Variants in ENOX1 observed in about 807,000 individuals in gnomAD.
ENOX1 encodes the protein candidate growth-related and time keeping constitutive hydroquinone (NADH) oxidase.
ENOX1 carries 42 observed loss-of-function variants against 82.5 expected under a neutral mutation model. That is an observed-to-expected ratio of 0.51 (90% confidence interval 0.40 to 0.66). The LOEUF (loss-of-function observed/expected upper bound fraction) is 0.66. ENOX1 is among the 30% of genes least tolerant of loss of function. The pLI is 0.00. For missense variants in ENOX1, 608 were observed against 811.6 expected, an observed-to-expected ratio of 0.75 and a Z score of 3.05; for synonymous variants, 271 against 282.2, an observed-to-expected ratio of 0.96 and a Z score of 0.40.
intron 8 of ENOX1, 84 bp from the exon 9 acceptor site, chr13:43,344,834 T>C (rs746919319): frequency 1.5e-4 from 188 of 1,278,328 alleles, no homozygotes; most frequent in Non-Finnish European, 1.9e-4. Flanking sequence ...AGACAGAGCA[T>C]AGTCCAACCT....
At chr13:43,260,850 A>C (rs1310441276) in intron 14 of ENOX1, among the ~76,000 whole-genome samples, 2 of 152,192 alleles carry the variant, frequency 1.3e-5, no homozygotes, top group East Asian at 3.8e-4. Context: ...GAAATCCTTA[A>C]AGAAACTGGA....
At chr13:43,503,738 G>A (rs12872154) in intron 2 of ENOX1, among the ~76,000 whole-genome samples, 29,355 of 151,504 alleles carry the variant, frequency 0.19, 3,341 homozygotes, top group East Asian at 0.31. Flanking sequence ...TGGAAGACCC[G>A]AAACCACAAA....
chr13:43,685,613 G>A (rs963344018), intron 1 of ENOX1, among the ~76,000 whole-genome samples: 1 of 152,058 alleles, frequency 6.6e-6, no homozygotes, highest in East Asian at 1.9e-4. Flanking sequence ...GGCATTATAT[G>A]GTGACAGGTT....
At chr13:43,561,287 C>A (rs1388991604) in intron 2 of ENOX1, among the ~76,000 whole-genome samples, 20 of 152,094 alleles carry the variant, frequency 1.3e-4, no homozygotes, top group Non-Finnish European at 2.9e-4. Flanking sequence ...AAAAGCACAG[C>A]CGACAAAGCT....
chr13:43,631,370 C>T (rs1371596876), intron 2 of ENOX1, among the ~76,000 whole-genome samples: 1 of 152,162 alleles, frequency 6.6e-6, no homozygotes, highest in Non-Finnish European at 1.5e-5. Flanking sequence ...ACCCCTCTGG[C>T]AAGACACTGT....
At chr13:43,578,794 G>C (rs1646529281) in intron 2 of ENOX1, among the ~76,000 whole-genome samples, 1 of 152,092 alleles carries the variant, frequency 6.6e-6, no homozygotes, top group Admixed American at 6.6e-5. Context: ...TTTGTAGAAT[G>C]AATCAATGAA....
At chr13:43,360,150 TC>T in intron 6 of ENOX1, 93 bp from the exon 7 acceptor site, 1 of 1,152,434 alleles carries the variant, frequency 8.7e-7, no homozygotes, top group Non-Finnish European at 1.3e-6. Context: ...AGTAACTTTC[TC>T]CAGACTGAGT....
chr13:43,756,363 G>A (rs80340264), intron 1 of ENOX1, among the ~76,000 whole-genome samples: 3,166 of 151,566 alleles, frequency 0.021, 123 homozygotes, highest in African/African-American at 0.073. Context: ...CTTGCAGAGG[G>A]TCAAGGCCGC....
At chr13:43,437,136 A>G (rs574247488) in intron 3 of ENOX1, among the ~76,000 whole-genome samples, 12 of 152,342 alleles carry the variant, frequency 7.9e-5, no homozygotes, top group Middle Eastern at 3.4e-3. Flanking sequence ...AAGAACAAGG[A>G]AAAATAGCAA....
intron 1 of ENOX1, among the ~76,000 whole-genome samples, chr13:43,733,112 T>C (rs1471241252): frequency 6.6e-6 from 1 of 152,042 alleles, no homozygotes; most frequent in African/African-American, 2.4e-5. Context: ...GAATATACCT[T>C]CATACCTGGA....
intron 1 of ENOX1, among the ~76,000 whole-genome samples, chr13:43,701,517 A>G (rs2153808817): frequency 1.3e-5 from 2 of 152,326 alleles, no homozygotes; most frequent in East Asian, 3.9e-4. Context: ...GTGCTTACAC[A>G]AAATATCTAT....
At chr13:43,538,125 A>G (rs4375567) in intron 2 of ENOX1, among the ~76,000 whole-genome samples, 148,684 of 152,338 alleles carry the variant, frequency 0.98, 72,673 homozygotes, top group East Asian at 1. Context: ...CTCTGAGCCT[A>G]GCCCTCCTGC....
At chr13:43,622,282 G>A (rs1413224438) in intron 2 of ENOX1, among the ~76,000 whole-genome samples, 1 of 152,142 alleles carries the variant, frequency 6.6e-6, no homozygotes, top group Non-Finnish European at 1.5e-5. Context: ...TCCATTGCTG[G>A]TGAACTGGTG....
intron 12 of ENOX1, among the ~76,000 whole-genome samples, chr13:43,293,482 T>C (rs116441607): frequency 0.011 from 1,682 of 152,120 alleles, 18 homozygotes; most frequent in African/African-American, 0.037. Context: ...TGCAGTCACC[T>C]TTACCACCAT....
At chr13:43,330,576 A>G (rs2048359376) in intron 9 of ENOX1, among the ~76,000 whole-genome samples, 1 of 152,150 alleles carries the variant, frequency 6.6e-6, no homozygotes, top group Non-Finnish European at 1.5e-5. Flanking sequence ...TTCCCCCCCA[A>G]TTCTGTGTTT....
intron 9 of ENOX1, among the ~76,000 whole-genome samples, chr13:43,327,735 A>C (rs923769726): frequency 5.9e-5 from 9 of 152,212 alleles, no homozygotes; most frequent in African/African-American, 2.2e-4. Context: ...AGAGCAATAG[A>C]GTAATCCCCA....
Position 43,269,528 on chromosome 13 carries a change from TCCA to T in ENOX1, c.1493_1495del (p.Leu498_Glu499delinsTer). ...ATGGGACTGCTCTTCCTTTGCTTGTTCCAATTCTGACTTTTTGTTGTTTAACTC... is the reference window on the plus strand; with the variant it reads ...ATGGGACTGCTCTTCCTTTGCTTGTTATTCTGACTTTTTGTTGTTTAACTC... On this transcript the variant is annotated stop_gained and inframe_deletion, in exon 13 of 17. Coordinates refer to ENST00000690772, the MANE Select transcript of ENOX1 (RefSeq NM_001347969.2). LOFTEE classifies it high-confidence loss of function. The T allele has an allele frequency of 6.2e-7, 1 of 1,614,010 alleles. No individual in the cohort carries two copies.
intron 2 of ENOX1, among the ~76,000 whole-genome samples, chr13:43,516,248 T>A (rs2077555485): frequency 6.6e-6 from 1 of 152,096 alleles, no homozygotes; most frequent in Non-Finnish European, 1.5e-5. Flanking sequence ...GACTGAAAGG[T>A]AAAGCCACTG....
chr13:43,647,905 A>C (rs2083970891), intron 2 of ENOX1, among the ~76,000 whole-genome samples: 1 of 152,220 alleles, frequency 6.6e-6, no homozygotes, highest in East Asian at 1.9e-4. Context: ...TGGCAGAATG[A>C]GAAGGTCTCG....
Sources: allele counts gnomAD v4.1 joint callset (sites outside exome capture counted in the v4.1 genomes callset), GRCh38; gene constraint gnomAD v4.1.1; transcripts MANE v1.5; gene names NCBI Gene and HGNC (gene_info 2026-07-23, HGNC 2026-07-21).